PHACTR3: variants seen among roughly 807,000 people sequenced by gnomAD.
PHACTR3 encodes the protein protein phosphatase 1, regulatory subunit 123.
A neutral mutation model predicts 66.8 loss-of-function variants in PHACTR3; 16 were observed. The ratio of observed to expected loss-of-function variants is 0.24; its 90% CI spans 0.16 to 0.36. The LOEUF is 0.36. Ranked by LOEUF, PHACTR3 falls within the 10% of genes least tolerant of loss-of-function variation. PHACTR3 has a pLI of 1.00. For missense variants in PHACTR3, 647 were observed against 719.9 expected, an observed-to-expected ratio of 0.90 and a Z score of 1.16; for synonymous variants, 323 against 292.1, an observed-to-expected ratio of 1.11 and a Z score of -1.08.
At chr20:59,703,702 T>TAA (rs890602188) in intron 1 of PHACTR3, among the ~76,000 whole-genome samples, 8 of 144,972 alleles carry the variant, frequency 5.5e-5, no homozygotes, top group African/African-American at 2.3e-4. Context: ...TGTGTGTGTG[T>TAA]GAGTGTGTGT....
intron 4 of PHACTR3, 110 bp from the exon 5 acceptor site, chr20:59,767,076 C>T: frequency 9.4e-7 from 1 of 1,066,082 alleles, no homozygotes; most frequent in Non-Finnish European, 1.4e-6. Flanking sequence ...GGTCACTGCT[C>T]TGTATGCTCT....
chr20:59,704,097 C>T (rs6092813), intron 1 of PHACTR3, among the ~76,000 whole-genome samples: 6,987 of 152,174 alleles, frequency 0.046, 528 homozygotes, highest in African/African-American at 0.16. Flanking sequence ...ACTTTAAAGA[C>T]TTTCATACAT....
At chr20:59,583,509 G>A (rs1301394145) in intron 1 of PHACTR3, among the ~76,000 whole-genome samples, 5 of 152,146 alleles carry the variant, frequency 3.3e-5, no homozygotes, top group Admixed American at 6.5e-5. Flanking sequence ...GCTCCTTCTC[G>A]CAGCCTGGCT....
chr20:59,716,916 G>A (rs2038115570), intron 1 of PHACTR3, among the ~76,000 whole-genome samples: 1 of 152,182 alleles, frequency 6.6e-6, no homozygotes, highest in African/African-American at 2.4e-5. Context: ...GCAAGCGTGG[G>A]TGAAGGCTGA....
intron 1 of PHACTR3, among the ~76,000 whole-genome samples, chr20:59,714,394 A>C (rs935785447): frequency 6.6e-6 from 1 of 152,292 alleles, no homozygotes; most frequent in Admixed American, 6.5e-5. Context: ...TCAGGAATCA[A>C]TTTTCCCATA....
At chr20:59,687,608 T>C (rs908005318) in intron 1 of PHACTR3, among the ~76,000 whole-genome samples, 10 of 152,062 alleles carry the variant, frequency 6.6e-5, no homozygotes, top group African/African-American at 2.4e-4. Context: ...GAGTAGTGCT[T>C]TTCACACCCT....
intron 1 of PHACTR3, among the ~76,000 whole-genome samples, chr20:59,639,887 C>T (rs1037083891): frequency 6.6e-6 from 1 of 152,212 alleles, no homozygotes; most frequent in Non-Finnish European, 1.5e-5. Flanking sequence ...TTTCCTCTTC[C>T]ATGTTCTCCG....
chr20:59,720,189 A>C (rs765962557), intron 1 of PHACTR3, among the ~76,000 whole-genome samples: 45 of 152,302 alleles, frequency 3.0e-4, no homozygotes, highest in Non-Finnish European at 4.9e-4. Flanking sequence ...GCAGGCTAGC[A>C]TATCTGGTCC....
chr20:59,691,227 C>T (rs1304197484), intron 1 of PHACTR3, among the ~76,000 whole-genome samples: 1 of 152,074 alleles, frequency 6.6e-6, no homozygotes, highest in Non-Finnish European at 1.5e-5. Context: ...CCTTGGCTCT[C>T]CTGTCAGAAG....
At chr20:59,613,474 T>C (rs557872262) in intron 1 of PHACTR3, among the ~76,000 whole-genome samples, 13 of 152,246 alleles carry the variant, frequency 8.5e-5, no homozygotes, top group Admixed American at 1.3e-4. Context: ...TATACCTCCT[T>C]GGTCTTAGGA....
intron 1 of PHACTR3, among the ~76,000 whole-genome samples, chr20:59,678,504 C>T (rs144071568): frequency 1.3e-5 from 2 of 152,234 alleles, no homozygotes; most frequent in East Asian, 1.9e-4. Flanking sequence ...GGCAGTTTCT[C>T]TCCAGTCCTG....
At chr20:59,688,067 T>G (rs984966176) in intron 1 of PHACTR3, among the ~76,000 whole-genome samples, 1 of 152,180 alleles carries the variant, frequency 6.6e-6, no homozygotes, top group Non-Finnish European at 1.5e-5. Flanking sequence ...CAGAATGGAA[T>G]TACACTGACT....
chr20:59,792,644 A>G (rs924551473), intron 7 of PHACTR3, among the ~76,000 whole-genome samples: 9 of 152,066 alleles, frequency 5.9e-5, no homozygotes, highest in African/African-American at 2.2e-4. Context: ...TATGGTTTTA[A>G]TTTGCATTTT....
intron 12 of PHACTR3, 72 bp downstream of exon 12, chr20:59,845,337 A>G: frequency 9.6e-6 from 9 of 939,838 alleles, no homozygotes; most frequent in Non-Finnish European, 1.2e-5. Flanking sequence ...GTCCCCCGCC[A>G]CAAACCATGT....
chr20:59,625,075 C>A (rs991882008), intron 1 of PHACTR3, among the ~76,000 whole-genome samples: 17 of 152,098 alleles, frequency 1.1e-4, no homozygotes, highest in Non-Finnish European at 4.4e-5. Flanking sequence ...TTTTGAGGAG[C>A]ACCTGTAGGG....
In PHACTR3 at chr20:59,738,640, G is replaced by C. The variant is rs2039038607; in HGVS notation, c.119-4467G>C. Among the ~76,000 whole-genome samples, 1 of 152,126 alleles carries C rather than the reference G, an allele frequency of 6.6e-6. No homozygotes were observed. Among genetic ancestry groups the C allele is most frequent in the East Asian group, 1.9e-4 (1 of 5,184 alleles). ...TACCCTCCTCTGGAGCCCGTGTGGT[G>C]TCTGTCGTGGGGACCCACCTAACTC... On this transcript the variant is annotated intron_variant, in intron 1 of 12. Coordinates refer to ENST00000371015, the MANE Select transcript of PHACTR3 (RefSeq NM_080672.5). This position sits in a 1 kb window ranked among gnomAD's most constrained non-coding sequence, Gnocchi z 4.4.
upstream of PHACTR3, among the ~76,000 whole-genome samples, chr20:59,602,293 G>A (rs904993829): frequency 1.3e-5 from 2 of 152,070 alleles, no homozygotes; most frequent in African/African-American, 2.4e-5. Context: ...TCGGCCCGGT[G>A]TGGAGGTGCA....
chr20:59,845,502 T>C (rs1049348813), intron 12 of PHACTR3, among the ~76,000 whole-genome samples: 10 of 152,222 alleles, frequency 6.6e-5, no homozygotes, highest in Admixed American at 5.2e-4. Context: ...AAGTAGTTAA[T>C]GCATATTTAA....
At chr20:59,724,983 A>T (rs2038505827) in intron 1 of PHACTR3, among the ~76,000 whole-genome samples, 1 of 151,676 alleles carries the variant, frequency 6.6e-6, no homozygotes, top group Non-Finnish European at 1.5e-5. Flanking sequence ...TGAGGCTGTG[A>T]GCCCAGGTGG....
Sources: allele counts gnomAD v4.1 joint callset (sites outside exome capture counted in the v4.1 genomes callset), GRCh38; gene constraint gnomAD v4.1.1; non-coding constraint Gnocchi (gnomAD v3.1); transcripts MANE v1.5; gene names NCBI Gene and HGNC (gene_info 2026-07-23, HGNC 2026-07-21).